The following ALMS1 variants were observed in gnomAD, a reference collection of about 807,000 sequenced individuals.
The protein encoded by ALMS1 is centrosome-associated protein ALMS1.
A neutral mutation model predicts 352.2 loss-of-function variants in ALMS1; 271 were observed. That is an observed-to-expected ratio of 0.77 (90% CI 0.70 to 0.85). The LOEUF is 0.85. ALMS1 is among the 40% of genes least tolerant of loss of function. The pLI is 0.00. For synonymous variants in ALMS1, 1,865 were observed against 1,761.2 expected (o/e 1.06, Z -1.48); for missense variants, 5,445 against 4,870.7 (o/e 1.12, Z -3.51).
chr2:73,502,559 T>C (rs940377800), intron 10 of ALMS1, among the ~76,000 whole-genome samples: 18 of 152,130 alleles, frequency 1.2e-4, no homozygotes, highest in African/African-American at 4.3e-4. Context: ...TTTTAATGGG[T>C]GCCTTTTATC....
chr2:73,555,993 A>G (rs948796568), intron 13 of ALMS1, among the ~76,000 whole-genome samples: 2 of 152,166 alleles, frequency 1.3e-5, no homozygotes, highest in East Asian at 3.8e-4. Flanking sequence ...AAAGAATTAC[A>G]AAACATCCTT....
At chr2:73,560,514 T>C (rs1437432282) in intron 15 of ALMS1, among the ~76,000 whole-genome samples, 1 of 152,158 alleles carries the variant, frequency 6.6e-6, no homozygotes, top group Non-Finnish European at 1.5e-5. Flanking sequence ...AAAGAATTAG[T>C]ATATGATCCC....
intron 9 of ALMS1, among the ~76,000 whole-genome samples, chr2:73,485,747 C>T (rs937019537): frequency 6.6e-6 from 1 of 152,112 alleles, no homozygotes; most frequent in Non-Finnish European, 1.5e-5. Context: ...CTAGGACGCT[C>T]GGAGCCAGGT....
At chr2:73,485,835 T>G (rs2461691) in intron 9 of ALMS1, among the ~76,000 whole-genome samples, 3 of 152,074 alleles carry the variant, frequency 2.0e-5, no homozygotes, top group African/African-American at 7.2e-5. Context: ...TGACCCGATT[T>G]TCCAGGTGCG....
intron 10 of ALMS1, among the ~76,000 whole-genome samples, chr2:73,498,531 G>C (rs1244026795): frequency 6.6e-6 from 1 of 151,590 alleles, no homozygotes; most frequent in African/African-American, 2.4e-5. Flanking sequence ...GTGTGTGTGT[G>C]CCCATTAACC....
In ALMS1 at chr2:73,484,283, T is replaced by C. The variant is rs1316773956; in HGVS notation, c.7675-5351T>C. Reference sequence around the variant, plus strand: ...GGGCAGGCCTAGTGGTGACAAAATCTCTCAGCATTTGCTTGTCTGTAAAGG... The same window carrying C: ...GGGCAGGCCTAGTGGTGACAAAATCCCTCAGCATTTGCTTGTCTGTAAAGG... On this transcript the variant is annotated intron_variant, in intron 9 of 22. Transcript: ENST00000613296. Among the ~76,000 whole-genome samples, 7 of 151,286 alleles carry C rather than the reference T, an allele frequency of 4.6e-5. No homozygotes were observed. The South Asian group carries it at 1.5e-3, about 32-fold the overall frequency.
chr2:73,399,590 A>G (rs1160355323), intron 1 of ALMS1, among the ~76,000 whole-genome samples: 1 of 151,900 alleles, frequency 6.6e-6, no homozygotes, highest in Non-Finnish European at 1.5e-5. Flanking sequence ...TAAACTAATC[A>G]TGAAGGATCT....
At chr2:73,473,849 T>G (rs554072868) in intron 9 of ALMS1, among the ~76,000 whole-genome samples, 48 of 144,040 alleles carry the variant, frequency 3.3e-4, no homozygotes, top group Non-Finnish European at 6.5e-4. Context: ...GAGAAAAGAA[T>G]AAAGAAAATG....
At position 73,573,412 on chromosome 2, in the gene ALMS1, G is replaced by T; in HGVS notation, c.11535G>T (p.Arg3845Ser). 6.2e-7 allele frequency: 1 copy of T among 1,614,028 alleles called. No individual in the cohort carries two copies. The highest frequency in any genetic ancestry group is 8.5e-7 in the Non-Finnish European group (1 of 1,179,982). The part of the protein sequence containing the change: ...HPLVTSEHTR[R>S]RHIQVANHVI... ...TAGTGACTTCTGAGCACACCAGAAG[G>T]AGACACATCCAGGTACATGGCTACA... The change falls in exon 16 of 23, where the codon AGG becomes AGT. Residue 3845 changes from arginine to serine, a missense_variant. Physicochemically the swap from Arg to Ser is moderately radical, Grantham distance 110 (BLOSUM62 -1). Coordinates refer to ENST00000613296, the MANE Select transcript of ALMS1 (RefSeq NM_001378454.1).
rs1671922685 is a variant in ALMS1 at position 73,450,897 on chromosome 2, T to C, written c.4370T>C (p.Val1457Ala). The change falls in exon 8 of 23, where the codon GTT becomes GCT. Residue 1457 changes from valine to alanine, a missense_variant. By Grantham distance (64) the Val-to-Ala change is moderately conservative. Coordinates refer to ENST00000613296, the MANE Select transcript of ALMS1 (RefSeq NM_001378454.1). ...CCTGAAGAGGCTTTGGAAGTTTCAG[T>C]TGCTCCTGGACCAGTTGACCAGACG... ...HLPEEALEVS[V>A]APGPVDQTIG... The C allele has an allele frequency of 6.2e-7, 1 of 1,613,932 alleles. No individual in the cohort carries two copies. Among genetic ancestry groups the C allele is most frequent in the Admixed American group, 1.7e-5 (1 of 59,994 alleles).
chr2:73,433,350 T>C (rs1671548987), intron 7 of ALMS1, among the ~76,000 whole-genome samples: 1 of 147,980 alleles, frequency 6.8e-6, no homozygotes, highest in South Asian at 2.1e-4. Context: ...TGATCACCTA[T>C]TGGTTTCAGC....
Position 73,490,597 on chromosome 2 carries a change from A to G in ALMS1, c.8638A>G (p.Ile2880Val), listed in dbSNP as rs767384464. Reference protein sequence around the residue: ...VTITPDLPSCIFLEQRELFEQ... With the variant: ...VTITPDLPSCVFLEQRELFEQ... ...TATAACTCCAGATCTTCCTTCTTGCATTTTTCTTGAACAACGAGAGCTCTT... is the reference window on the plus strand; with the variant it reads ...TATAACTCCAGATCTTCCTTCTTGCGTTTTTCTTGAACAACGAGAGCTCTT... The change falls in exon 10 of 23, where the codon ATT becomes GTT. Residue 2880 changes from isoleucine (I) to valine (V), a missense_variant. By Grantham distance (29) the Ile-to-Val change is conservative. Transcript: ENST00000613296. 3.3e-5 allele frequency: 54 copies of G among 1,614,060 alleles called. No individual in the cohort carries two copies. The highest frequency in any genetic ancestry group is 4.6e-5 in the Non-Finnish European group (54 of 1,180,038).
At position 73,408,656 on chromosome 2, in the gene ALMS1, T is replaced by TAGTA. The variant is rs753301358; in HGVS notation, c.360_363dup (p.Tyr122SerfsTer6). On this transcript the variant is annotated frameshift_variant, in exon 2 of 23. Transcript: ENST00000613296. LOFTEE classifies it high-confidence loss of function. The stretch of plus-strand genomic sequence containing the variant: ...TTGACCTGTCATGTATGGCAACAGA[T>TAGTA]AGTATATCAAGGCAATAGTAGAACA... The TAGTA allele has an allele frequency of 3.1e-6, 5 of 1,613,456 alleles. No individual in the cohort carries two copies. In the Admixed American group the frequency reaches 6.7e-5, roughly 22 times the overall value.
intron 16 of ALMS1, among the ~76,000 whole-genome samples, chr2:73,585,245 C>T (rs1290332446): frequency 2.6e-5 from 4 of 152,182 alleles, no homozygotes; most frequent in Non-Finnish European, 4.4e-5. Flanking sequence ...TTCCCACCAG[C>T]AGTGTAAAAA....
chr2:73,454,476 G>A, intron 8 of ALMS1: 14 of 705,160 alleles, frequency 2.0e-5, no homozygotes, highest in Non-Finnish European at 2.4e-5. Flanking sequence ...CCAATTTGCT[G>A]TGCTCTAAAT....
At chr2:73,425,469 G>A (rs115011293) in intron 5 of ALMS1, among the ~76,000 whole-genome samples, 4,958 of 152,170 alleles carry the variant, frequency 0.033, 213 homozygotes, top group Admixed American at 0.093. Flanking sequence ...TGGTTGGATT[G>A]TTATATCCAA....
At chr2:73,512,083 T>C (rs1326999623) in intron 10 of ALMS1, among the ~76,000 whole-genome samples, 1 of 152,166 alleles carries the variant, frequency 6.6e-6, no homozygotes, top group African/African-American at 2.4e-5. Flanking sequence ...TTTATTTTTT[T>C]GAGATGGAGT....
At chr2:73,551,675 A>G (rs571793500) in intron 13 of ALMS1, among the ~76,000 whole-genome samples, 1 of 151,634 alleles carries the variant, frequency 6.6e-6, no homozygotes, top group Non-Finnish European at 1.5e-5. Context: ...ACCTCAGATG[A>G]TCTGCCTGCC....
At chr2:73,496,610 T>G (rs1278840893) in intron 10 of ALMS1, among the ~76,000 whole-genome samples, 1 of 143,572 alleles carries the variant, frequency 7.0e-6, no homozygotes, top group Non-Finnish European at 1.6e-5. Context: ...AGTTATATGG[T>G]ACAGGTGTAT....
Sources: gnomAD v4.1 joint callset for allele counts (sites outside exome capture counted in the v4.1 genomes callset) on GRCh38, gnomAD v4.1.1 for gene constraint, MANE v1.5 for transcripts, NCBI Gene and HGNC (gene_info 2026-07-23, HGNC 2026-07-21) for gene names.